Variants in PTPRT observed in about 807,000 individuals in gnomAD.
PTPRT encodes receptor-type tyrosine-protein phosphatase T.
Under a neutral mutation model 176.8 loss-of-function variants are expected in PTPRT, and 56 were observed. The observed-to-expected ratio is 0.32, with a 90% CI of 0.26 to 0.40. The LOEUF (loss-of-function observed/expected upper bound fraction) is 0.40. Among genes scored for constraint, PTPRT ranks in the 10% least tolerant of loss-of-function variants. The pLI, the probability that PTPRT is intolerant of heterozygous loss-of-function variation, is 1.00. For missense variants in PTPRT, 1,540 were observed against 1,908.2 expected, an observed-to-expected ratio of 0.81 and a Z score of 3.60; for synonymous variants, 783 against 739.0, an observed-to-expected ratio of 1.06 and a Z score of -0.96.
At chr20:42,708,003 A>G (rs919991045) in intron 6 of PTPRT, among the ~76,000 whole-genome samples, 11 of 152,334 alleles carry the variant, frequency 7.2e-5, no homozygotes, top group Admixed American at 3.9e-4. Flanking sequence ...GAAAACCAAT[A>G]CAGGTAGGTA....
intron 7 of PTPRT, among the ~76,000 whole-genome samples, chr20:42,505,509 T>C (rs2071828711): frequency 6.6e-6 from 1 of 151,884 alleles, no homozygotes; most frequent in Admixed American, 6.6e-5. Flanking sequence ...ATCATGTTGG[T>C]CAGGCTGGTT....
intron 1 of PTPRT, among the ~76,000 whole-genome samples, chr20:42,959,745 G>C (rs776710074): frequency 9.2e-5 from 14 of 152,112 alleles, no homozygotes; most frequent in Non-Finnish European, 2.1e-4. Context: ...CCTTCTTTAA[G>C]GTCAGAACCC....
intron 6 of PTPRT, among the ~76,000 whole-genome samples, chr20:42,736,968 GC>G (rs1374514737): frequency 6.6e-6 from 1 of 152,212 alleles, no homozygotes; most frequent in African/African-American, 2.4e-5. Context: ...TTCTTCAGAA[GC>G]AAAAACATAC....
At chr20:42,868,467 C>T (rs1276457657) in intron 2 of PTPRT, among the ~76,000 whole-genome samples, 4 of 152,178 alleles carry the variant, frequency 2.6e-5, no homozygotes, top group Admixed American at 2.6e-4. Context: ...AGTATCTAAG[C>T]AAAGTGTTGA....
intron 3 of PTPRT, among the ~76,000 whole-genome samples, chr20:42,783,250 T>C (rs2077239948): frequency 6.6e-6 from 1 of 152,222 alleles, no homozygotes; most frequent in African/African-American, 2.4e-5. Context: ...GTGTGCTTTG[T>C]ATGTTAGCAA....
In PTPRT at chr20:42,363,288, ATATATATATATATTTT is replaced by A. The variant is rs1178933269; in HGVS notation, c.1561-11019_1561-11004del. 1.0e-3 allele frequency among the ~76,000 whole-genome samples: 23 copies of A among 22,584 alleles called. No individual in the cohort carries two copies. The South Asian group carries it at 0.018, about 18-fold the overall frequency. The allele number at this position is 22,584 out of a possible 152,430, so 14.8% of individuals were successfully genotyped here. A position where few individuals can be genotyped will look rare whatever the true frequency, so the allele number is the denominator to read the frequency against. On this transcript the variant is annotated intron_variant, in intron 9 of 30. Transcript: ENST00000373187. Reference sequence around the variant, plus strand: ...ATTACAATTATATATATATATATATATATATATATATATTTTTTTTTTTTTTTTTTTTTTTTTTGAG... The same window carrying A: ...ATTACAATTATATATATATATATATATTTTTTTTTTTTTTTTTTTTTTGAG...
intron 1 of PTPRT, among the ~76,000 whole-genome samples, chr20:43,135,324 C>T (rs79697708): frequency 0.031 from 4,662 of 152,206 alleles, 252 homozygotes; most frequent in African/African-American, 0.11. Context: ...CGTGAACACA[C>T]ATAAAATCAT....
chr20:42,639,700 G>A lies in PTPRT; in HGVS notation c.1153+38166C>T, dbSNP rs149425774. Among the ~76,000 whole-genome samples, 10 of 152,068 alleles carry A rather than the reference G, an allele frequency of 6.6e-5. No homozygotes were observed. In the East Asian group the frequency reaches 1.9e-3, roughly 29 times the overall value. ...TCTTGATGTCCCTGTCTGTTATATT[G>A]CTCCTAAATTTCAGGACACTAGGAG... is the stretch of plus-strand genomic sequence containing the variant. On this transcript the variant is annotated intron_variant, in intron 7 of 30. Coordinates refer to ENST00000373187, the MANE Select transcript of PTPRT (RefSeq NM_007050.6).
intron 1 of PTPRT, among the ~76,000 whole-genome samples, chr20:43,098,561 T>G (rs1253587373): frequency 6.8e-6 from 1 of 147,862 alleles, no homozygotes; most frequent in East Asian, 2.0e-4. Context: ...TTTTTTTTTT[T>G]GTTTGAGGTC....
At chr20:43,125,874 G>A (rs6072986) in intron 1 of PTPRT, among the ~76,000 whole-genome samples, 63,135 of 152,002 alleles carry the variant, frequency 0.42, 13,807 homozygotes, top group East Asian at 0.77. Context: ...TATTAAAGGC[G>A]AATTATGTTG....
rs373792802 is a variant in PTPRT, at chr20:42,801,261, G to A, written c.215-9795C>T. ...GTGCGTGTATCACACCATCTAACGCGGATACCAGGTGGAAGGGGTCCCATG... is the reference window on the plus strand; with the variant it reads ...GTGCGTGTATCACACCATCTAACGCAGATACCAGGTGGAAGGGGTCCCATG... On this transcript the variant is annotated intron_variant, in intron 2 of 30. Coordinates refer to ENST00000373187, the MANE Select transcript of PTPRT (RefSeq NM_007050.6). Among the ~76,000 whole-genome samples the A allele has an allele frequency of 3.0e-3, 462 of 152,154 alleles. 4 individuals carry two copies. The highest frequency in any genetic ancestry group is 0.011 in the African/African-American group (448 of 41,498).
At chr20:42,539,323 T>C (rs2072534852) in intron 7 of PTPRT, among the ~76,000 whole-genome samples, 1 of 151,672 alleles carries the variant, frequency 6.6e-6, no homozygotes, top group Non-Finnish European at 1.5e-5. Flanking sequence ...CATGTGTTTC[T>C]GATCTTGGTG....
In PTPRT at chr20:42,276,496, A is replaced by AAT. The variant is rs61484693; in HGVS notation, c.2176+5991_2176+5992dup. Among the ~76,000 whole-genome samples the AAT allele has an allele frequency of 2.3e-3, 100 of 43,988 alleles. 2 individuals are homozygous for AAT. Among genetic ancestry groups the AAT allele is most frequent in the Non-Finnish European group, 3.2e-3 (67 of 21,044 alleles). The allele number at this position is 43,988 out of a possible 152,430, so 28.9% of individuals were successfully genotyped here. The stretch of plus-strand genomic sequence containing the variant: ...TCAGAAAGGAAGAGAGAAAGAAGGA[A>AAT]ATATATATATATATATATATATATA... On this transcript the variant is annotated intron_variant, in intron 13 of 30. Coordinates refer to ENST00000373187, the MANE Select transcript of PTPRT (RefSeq NM_007050.6).
chr20:42,172,315 A>G (rs914272991), intron 16 of PTPRT, among the ~76,000 whole-genome samples: 15 of 152,370 alleles, frequency 9.8e-5, no homozygotes, highest in African/African-American at 3.1e-4. Context: ...AAACACCAAC[A>G]AATTAGACAA....
chr20:42,997,276 CA>C (rs1984276889), intron 1 of PTPRT, among the ~76,000 whole-genome samples: 9 of 152,150 alleles, frequency 5.9e-5, no homozygotes, highest in Non-Finnish European at 1.2e-4. Flanking sequence ...AACCTTTCCA[CA>C]AATAGGATGG....
chr20:42,189,454 T>C (rs1405814891), intron 16 of PTPRT, among the ~76,000 whole-genome samples: 3 of 152,210 alleles, frequency 2.0e-5, no homozygotes, highest in African/African-American at 7.2e-5. Flanking sequence ...GCAGAGACCA[T>C]GTCTTATTTA....
intron 2 of PTPRT, among the ~76,000 whole-genome samples, chr20:42,825,147 G>C (rs2145670901): frequency 6.6e-6 from 1 of 152,134 alleles, no homozygotes; most frequent in South Asian, 2.1e-4. Flanking sequence ...GGAGCAATTT[G>C]ATAATACGTA....
intron 13 of PTPRT, among the ~76,000 whole-genome samples, chr20:42,257,399 G>A (rs949960822): frequency 2.6e-5 from 4 of 152,144 alleles, no homozygotes; most frequent in East Asian, 1.9e-4. Flanking sequence ...CCAGGCTGCC[G>A]TTTTAAACCC....
chr20:42,529,191 T>A (rs1311349808), intron 7 of PTPRT, among the ~76,000 whole-genome samples: 1 of 152,226 alleles, frequency 6.6e-6, no homozygotes, highest in Admixed American at 6.5e-5. Flanking sequence ...ACTTCGAAGA[T>A]CCTCAAAAAT....
Sources: allele counts gnomAD v4.1 joint callset (sites outside exome capture counted in the v4.1 genomes callset), GRCh38; gene constraint gnomAD v4.1.1; transcripts MANE v1.5; gene names NCBI Gene and HGNC (gene_info 2026-07-23, HGNC 2026-07-21).